The following MEIS2 variants were observed in gnomAD, a reference collection of about 807,000 sequenced individuals.
MEIS2 encodes homeobox protein Meis2.
In MEIS2, 9 loss-of-function variants were observed where a neutral mutation model predicts 58.6. The observed-to-expected ratio is 0.15, with a 90% CI of 0.09 to 0.27. The LOEUF (loss-of-function observed/expected upper bound fraction) is 0.27, where lower values mean the gene tolerates loss of function less well. Ranked by LOEUF, MEIS2 falls within the 10% of genes least tolerant of loss-of-function variation. MEIS2 has a pLI of 1.00. For missense variants in MEIS2, 427 were observed against 635.0 expected (o/e 0.67, Z 3.52); for synonymous variants, 221 against 228.4 (o/e 0.97, Z 0.29).
chr15:37,096,273 A>G lies in MEIS2; in HGVS notation c.387+16T>C, dbSNP rs1894237143. On this transcript the variant is annotated intron_variant, in intron 3 of 11. Coordinates refer to ENST00000561208, the MANE Select transcript of MEIS2 (RefSeq NM_170675.5). ...TGAGGGACTGCCCGAAGTTGAGTGG[A>G]TCAAGAAGGCTGGACCTGCTTGGCG... 1 of 1,587,924 alleles carries G rather than the reference A, an allele frequency of 6.3e-7. No individual in the cohort carries two copies. The highest frequency in any genetic ancestry group is 1.3e-5 in the African/African-American group (1 of 74,496).
intron 8 of MEIS2, among the ~76,000 whole-genome samples, chr15:36,955,393 T>A (rs1189872786): frequency 2.6e-5 from 4 of 152,214 alleles, no homozygotes; most frequent in Non-Finnish European, 4.4e-5. Flanking sequence ...AGCCTTGGGA[T>A]TTTTAACTTT....
chr15:37,044,840 T>A (rs1250791894), intron 7 of MEIS2, among the ~76,000 whole-genome samples: 1 of 152,232 alleles, frequency 6.6e-6, no homozygotes, highest in Non-Finnish European at 1.5e-5. Flanking sequence ...TGTGAGCTTT[T>A]GCGTTTCTGA....
rs76906961 is a variant in MEIS2, at chr15:36,947,678, G to A, written c.977+2646C>T. Among the ~76,000 whole-genome samples the A allele has an allele frequency of 3.3e-5, 5 of 151,942 alleles. No individual in the cohort carries two copies. In the South Asian group the frequency reaches 8.3e-4, roughly 25 times the overall value. On this transcript the variant is annotated intron_variant, in intron 9 of 11. Transcript: ENST00000561208. ...CAAGCCTAATTTCCTGGTCTCAATC[G>A]GAGAAGTGGGCATTATTTCCTAGTA...
intron 9 of MEIS2, among the ~76,000 whole-genome samples, chr15:36,914,332 G>C (rs1273063569): frequency 6.6e-6 from 1 of 152,222 alleles, no homozygotes; most frequent in Non-Finnish European, 1.5e-5. Context: ...CTGAACTTTG[G>C]CATACTGCAA....
At chr15:37,025,409 C>T (rs1477132387) in intron 8 of MEIS2, among the ~76,000 whole-genome samples, 1 of 152,182 alleles carries the variant, frequency 6.6e-6, no homozygotes, top group Non-Finnish European at 1.5e-5. Flanking sequence ...CCTAACTCCA[C>T]TGCTTCTGGT....
At chr15:37,075,389 T>C (rs565479268) in intron 7 of MEIS2, among the ~76,000 whole-genome samples, 4 of 152,148 alleles carry the variant, frequency 2.6e-5, no homozygotes, top group South Asian at 2.1e-4. Context: ...TGATGGTCCA[T>C]TGACATATTT....
At position 36,998,236 on chromosome 15, in the gene MEIS2, G is replaced by GTTTT. The variant is rs5811954; in HGVS notation, c.900+38574_900+38577dup. Among the ~76,000 whole-genome samples the GTTTT allele has an allele frequency of 2.9e-3, 195 of 66,744 alleles. 1 individual carries two copies. Among genetic ancestry groups the GTTTT allele is most frequent in the Non-Finnish European group, 3.9e-3 (143 of 36,896 alleles). The allele number at this position is 66,744 out of a possible 152,430, so 43.8% of individuals were successfully genotyped here. Reference sequence around the variant, plus strand: ...GGATATATTGTCGTAAAAACACAAAGTTTTTTTTTTTTTTTTTTTTTTTTT... The same window carrying GTTTT: ...GGATATATTGTCGTAAAAACACAAAGTTTTTTTTTTTTTTTTTTTTTTTTTTTTT... On this transcript the variant is annotated intron_variant, in intron 8 of 11. Coordinates refer to ENST00000561208, the MANE Select transcript of MEIS2 (RefSeq NM_170675.5).
intron 8 of MEIS2, among the ~76,000 whole-genome samples, chr15:37,031,699 C>CCT (rs1468508393): frequency 6.6e-6 from 1 of 151,990 alleles, no homozygotes; most frequent in Non-Finnish European, 1.5e-5. Flanking sequence ...GGGCTTCACC[C>CCT]CTCTCCCCAA....
In MEIS2 at chr15:37,095,495, A is replaced by T. The variant is rs374117828; in HGVS notation, c.438+69T>A. On this transcript the variant is annotated intron_variant, in intron 4 of 11. Transcript: ENST00000561208. ...TGTTCTAACTCCCCAGAGCTCCAGC[A>T]GAAAGTGGGTGCTTCTGGGCATGGG... The T allele has an allele frequency of 2.5e-4, 410 of 1,609,024 alleles. 3 individuals carry two copies. In the South Asian group the frequency reaches 4.3e-3, roughly 17 times the overall value.
intron 2 of MEIS2, among the ~76,000 whole-genome samples, chr15:37,096,829 G>C (rs758551807): frequency 5.9e-5 from 9 of 151,996 alleles, no homozygotes; most frequent in Non-Finnish European, 1.2e-4. Flanking sequence ...CCCAAGAAGG[G>C]AACACTGTGT....
chr15:37,071,305 C>A (rs1003954720), intron 7 of MEIS2, among the ~76,000 whole-genome samples: 1 of 152,038 alleles, frequency 6.6e-6, no homozygotes, highest in African/African-American at 2.4e-5. Context: ...ACCAGGGGAA[C>A]CTCGTGTGTC....
At chr15:37,041,460 C>A (rs1282157133) in intron 7 of MEIS2, among the ~76,000 whole-genome samples, 1 of 152,172 alleles carries the variant, frequency 6.6e-6, no homozygotes, top group Non-Finnish European at 1.5e-5. Flanking sequence ...TGGATTTACA[C>A]CTATGCTCTC....
At chr15:37,061,664 A>G (rs531407349) in intron 7 of MEIS2, among the ~76,000 whole-genome samples, 1 of 152,344 alleles carries the variant, frequency 6.6e-6, no homozygotes, top group South Asian at 2.1e-4. Flanking sequence ...CACTTTAAAA[A>G]ATCCTAAATG....
chr15:37,017,675 GCTAA>G (rs1352432184), intron 8 of MEIS2, among the ~76,000 whole-genome samples: 4 of 152,088 alleles, frequency 2.6e-5, no homozygotes, highest in Non-Finnish European at 5.9e-5. Context: ...GAAAAATACC[GCTAA>G]CTAAGAGATA....
intron 8 of MEIS2, among the ~76,000 whole-genome samples, chr15:37,013,306 C>T (rs1223885669): frequency 6.6e-6 from 1 of 152,136 alleles, no homozygotes; most frequent in Non-Finnish European, 1.5e-5. Context: ...CACCGTGGCT[C>T]ACACCTGTAA....
intron 1 of MEIS2, chr15:37,099,227 G>A: frequency 1.4e-6 from 2 of 1,431,600 alleles, no homozygotes; most frequent in Non-Finnish European, 1.8e-6. Flanking sequence ...GCACAGCGCT[G>A]GAACACGCGC....
At chr15:37,076,083 G>A (rs1055776723) in intron 7 of MEIS2, among the ~76,000 whole-genome samples, 6 of 151,840 alleles carry the variant, frequency 4.0e-5, no homozygotes, top group Admixed American at 1.3e-4. Flanking sequence ...GATAAATTTG[G>A]TATATAAAAG....
chr15:36,999,351 C>G (rs1002693144), intron 8 of MEIS2, among the ~76,000 whole-genome samples: 2 of 152,212 alleles, frequency 1.3e-5, no homozygotes, highest in African/African-American at 2.4e-5. Context: ...GTTTAATTTA[C>G]TCATAGTAAA....
At chr15:36,970,306 A>G (rs1291229224) in intron 8 of MEIS2, among the ~76,000 whole-genome samples, 1 of 151,846 alleles carries the variant, frequency 6.6e-6, no homozygotes, top group East Asian at 1.9e-4. Flanking sequence ...CGGGAGGCTG[A>G]GGCAGGAGAA....
Sources: gnomAD v4.1 joint callset for allele counts (sites outside exome capture counted in the v4.1 genomes callset) on GRCh38, gnomAD v4.1.1 for gene constraint, MANE v1.5 for transcripts, NCBI Gene and HGNC (gene_info 2026-07-23, HGNC 2026-07-21) for gene names.